Variants in RADIL observed in about 807,000 individuals in gnomAD.
RADIL encodes the protein Rap associating with DIL domain.
A neutral mutation model predicts 97.6 loss-of-function variants in RADIL; 99 were observed. The ratio of observed to expected loss-of-function variants is 1.01; its 90% CI spans 0.86 to 1.20. The LOEUF (loss-of-function observed/expected upper bound fraction) is 1.20, where lower values mean the gene tolerates loss of function less well. Among genes scored for constraint, RADIL ranks in the 50% most tolerant of loss-of-function variants. RADIL has a pLI of 0.00. For missense variants in RADIL, 1,765 were observed against 1,498.9 expected, an observed-to-expected ratio of 1.18 and a Z score of -2.93; for synonymous variants, 803 against 691.8, an observed-to-expected ratio of 1.16 and a Z score of -2.52.
chr7:4,861,397 C>T (rs771487955), intron 2 of RADIL: 55 of 1,614,072 alleles, frequency 3.4e-5, no homozygotes, highest in Non-Finnish European at 4.5e-5. Flanking sequence ...CCTGTAGTTT[C>T]AGTTTAGCAT....
intron 13 of RADIL, 60 bp downstream of exon 13, chr7:4,800,111 A>G (rs1251780959): frequency 1.1e-5 from 17 of 1,554,370 alleles, no homozygotes; most frequent in Non-Finnish European, 1.5e-5. Flanking sequence ...CCAGGCTTGC[A>G]TGAACAGGCG....
rs376603455 is a variant in RADIL at position 4,834,564 on chromosome 7, C to A, written c.1416+43G>T. The A allele has an allele frequency of 8.4e-6, 11 of 1,304,030 alleles. No individual in the cohort carries two copies. The highest frequency in any genetic ancestry group is 3.2e-5 in the South Asian group (1 of 31,188). 80.8% of individuals were successfully genotyped at this position (1,304,030 alleles called of 1,614,324 possible). ...GCCAGCTCCGGGCCCCCTCTTCCCC[C>A]AGACCGGCACAGGACCCAGACCGCC... On this transcript the variant is annotated intron_variant, in intron 4 of 14. Coordinates refer to ENST00000399583, the MANE Select transcript of RADIL (RefSeq NM_018059.5). The surrounding 1 kb of genome is among the most constrained non-coding windows in gnomAD (Gnocchi z 6.0).
At position 4,835,276 on chromosome 7, in the gene RADIL, G is replaced by A. The variant is rs996365524; in HGVS notation, c.784-37C>T. The A allele has an allele frequency of 4.4e-6, 7 of 1,596,534 alleles. No homozygotes were observed. Among genetic ancestry groups the A allele is most frequent in the Non-Finnish European group, 5.9e-6 (7 of 1,177,276 alleles). On this transcript the variant is annotated intron_variant, in intron 3 of 14. Coordinates refer to ENST00000399583, the MANE Select transcript of RADIL (RefSeq NM_018059.5). The surrounding 1 kb of genome is among the most constrained non-coding windows in gnomAD (Gnocchi z 5.8). ...ACTCCGCTCAGGGCAGGCGTAACGCGAGCAGCACACGGGAAAAGCGTCCCG... is the reference window on the plus strand; with the variant it reads ...ACTCCGCTCAGGGCAGGCGTAACGCAAGCAGCACACGGGAAAAGCGTCCCG...
rs1359641840 is a variant in RADIL at position 4,883,338 on chromosome 7, G to A, written c.-65+258C>T. Among the ~76,000 whole-genome samples, 1 of 152,068 alleles carries A rather than the reference G, an allele frequency of 6.6e-6. No homozygotes were observed. Among genetic ancestry groups the A allele is most frequent in the Admixed American group, 6.5e-5 (1 of 15,280 alleles). ...CGGGGGTCGGCAGCGCGGACCCCCG[G>A]ATCCCCGCAGGCTGGGCCGCCCTTG... On this transcript the variant is annotated intron_variant, in intron 1 of 14. Transcript: ENST00000399583. This position sits in a 1 kb window ranked among gnomAD's most constrained non-coding sequence, Gnocchi z 7.1.
At chr7:4,846,064 G>A (rs1486910709) in intron 2 of RADIL, among the ~76,000 whole-genome samples, 1 of 152,026 alleles carries the variant, frequency 6.6e-6, no homozygotes, top group Non-Finnish European at 1.5e-5. Context: ...TATGGAGGGC[G>A]CTGTTTCATC....
chr7:4,802,814 GA>G (rs1782151192), intron 11 of RADIL, among the ~76,000 whole-genome samples: 1 of 126,000 alleles, frequency 7.9e-6, no homozygotes, highest in Admixed American at 7.6e-5. Context: ...ATGCTGGCTG[GA>G]CCCCCTCCCC....
intron 7 of RADIL, among the ~76,000 whole-genome samples, chr7:4,816,889 C>A (rs546670298): frequency 1.3e-5 from 2 of 152,294 alleles, no homozygotes; most frequent in East Asian, 3.9e-4. Context: ...ACCTCTGGCA[C>A]CCGTGGGTCC....
chr7:4,858,887 A>G (rs1305297566), intron 2 of RADIL: 2 of 152,176 alleles, frequency 1.3e-5, no homozygotes, highest in Non-Finnish European at 2.9e-5. Flanking sequence ...AGGCAAAGAG[A>G]AGAGAGGGAG....
chr7:4,861,849 C>CCGCGACCTTCACGTCCCCCACCAG, intron 2 of RADIL: 1 of 1,383,042 alleles, frequency 7.2e-7, no homozygotes, highest in Non-Finnish European at 9.4e-7. Context: ...TCCCCCACCA[C>CCGCGACCTTCACGTCCCCCACCAG]CGCGACCTTC....
chr7:4,805,002 G>A (rs1239605150), intron 10 of RADIL, among the ~76,000 whole-genome samples: 1 of 152,078 alleles, frequency 6.6e-6, no homozygotes, highest in African/African-American at 2.4e-5. Context: ...GCTGAGGTAG[G>A]AGAATCGCTT....
intron 9 of RADIL, chr7:4,808,559 T>C (rs1303629674): frequency 1.0e-6 from 1 of 977,830 alleles, no homozygotes; most frequent in Non-Finnish European, 1.2e-6. Context: ...AGATGGGACA[T>C]AGACAAAAGC....
At chr7:4,809,154 G>A (rs1056159912) in intron 9 of RADIL, 2 of 985,054 alleles carry the variant, frequency 2.0e-6, no homozygotes, top group African/African-American at 1.8e-5. Context: ...TGGCCCGGCC[G>A]CTTCTGGAAG....
chr7:4,822,126 G>A lies in RADIL; in HGVS notation c.1615+268C>T, dbSNP rs921902715. ...AGAGTGGGGCTGCGGTCAAGGGGAC[G>A]CCACCGCACGGAGCACACGGGATGA... On this transcript the variant is annotated intron_variant, in intron 6 of 14. Transcript: ENST00000399583. The surrounding 1 kb of genome is among the most constrained non-coding windows in gnomAD (Gnocchi z 5.3). Among the ~76,000 whole-genome samples, 3 of 152,006 alleles carry A rather than the reference G, an allele frequency of 2.0e-5. No individual in the cohort carries two copies. Among genetic ancestry groups the A allele is most frequent in the East Asian group, 3.9e-4 (2 of 5,144 alleles).
chr7:4,799,382 A>G lies in RADIL; in HGVS notation c.3224T>C (p.Leu1075Pro). ...AKKIHFRTPP[L>P] ...GGGGGTGTCCTCGCAGCCCCCCTAGAGAGGGGGCGTGCGGAAATGGATCTT... is the reference window on the plus strand; with the variant it reads ...GGGGGTGTCCTCGCAGCCCCCCTAGGGAGGGGGCGTGCGGAAATGGATCTT... The change falls in exon 15 of 15, where the codon CTC becomes CCC. Residue 1075 changes from leucine (L) to proline (P), a missense_variant. By Grantham distance (98) the Leu-to-Pro change is moderately conservative. Transcript: ENST00000399583. 2.5e-6 allele frequency: 4 copies of G among 1,613,056 alleles called. No homozygotes were observed. The highest frequency in any genetic ancestry group is 1.3e-5 in the African/African-American group (1 of 75,008).
chr7:4,800,962 C>A (rs558195281), intron 12 of RADIL, among the ~76,000 whole-genome samples: 1 of 152,224 alleles, frequency 6.6e-6, no homozygotes, highest in South Asian at 2.1e-4. Flanking sequence ...AGGCCAGGGC[C>A]GGCTGGGGCT....
intron 12 of RADIL, among the ~76,000 whole-genome samples, chr7:4,800,793 G>A (rs534497573): frequency 8.5e-5 from 13 of 152,294 alleles, no homozygotes; most frequent in East Asian, 5.8e-4. Context: ...TGATCCTGCC[G>A]TGGGTGCACT....
In RADIL at chr7:4,873,824, G is replaced by A. The variant is rs867006190; in HGVS notation, c.535+3781C>T. On this transcript the variant is annotated intron_variant, in intron 2 of 14. Transcript: ENST00000399583. The surrounding 1 kb of genome is among the most constrained non-coding windows in gnomAD (Gnocchi z 4.3). The stretch of plus-strand genomic sequence containing the variant: ...CGGAGGTATGTAATGGAGAGGACAC[G>A]GTGGGTGTTAGGAAAGCCTCCCCAC... Among the ~76,000 whole-genome samples the A allele has an allele frequency of 1.3e-5, 2 of 152,214 alleles. No individual in the cohort carries two copies. The highest frequency in any genetic ancestry group is 2.4e-5 in the African/African-American group (1 of 41,456).
chr7:4,802,923 TG>T, intron 11 of RADIL, among the ~76,000 whole-genome samples: 1 of 113,382 alleles, frequency 8.8e-6, no homozygotes, highest in Non-Finnish European at 1.7e-5. Flanking sequence ...GAATGCTGGC[TG>T]GGTCCCCTCC....
Position 4,834,923 on chromosome 7 carries a change from C to G in RADIL, c.1100G>C (p.Arg367Pro), listed in dbSNP as rs1456771227. The G allele has an allele frequency of 2.6e-6, 4 of 1,568,464 alleles. No individual in the cohort carries two copies. The highest frequency in any genetic ancestry group is 2.7e-5 in the African/African-American group (2 of 74,020). ...DPAQAQPLPA[R>P]ALARLRAVPQ... Reference sequence around the variant, plus strand: ...CACAGCCCGGAGGCGCGCCAAGGCCCGGGCGGGCAGGGGCTGGGCCTGCGC... The same window carrying G: ...CACAGCCCGGAGGCGCGCCAAGGCCGGGGCGGGCAGGGGCTGGGCCTGCGC... The change falls in exon 4 of 15, where the codon CGG becomes CCG. Residue 367 changes from arginine (R) to proline (P), a missense_variant. Coordinates refer to ENST00000399583, the MANE Select transcript of RADIL (RefSeq NM_018059.5). The surrounding 1 kb of genome is among the most constrained non-coding windows in gnomAD (Gnocchi z 6.0).
Sources: gnomAD v4.1 joint callset for allele counts (sites outside exome capture counted in the v4.1 genomes callset) on GRCh38, gnomAD v4.1.1 for gene constraint, Gnocchi (gnomAD v3.1) non-coding constraint, MANE v1.5 for transcripts, NCBI Gene and HGNC (gene_info 2026-07-23, HGNC 2026-07-21) for gene names.